PRR11: variants seen among roughly 807,000 people sequenced by gnomAD.
PRR11 encodes the protein proline rich 11, also known as proline-rich protein 11.
Under a neutral mutation model 45.6 loss-of-function variants are expected in PRR11, and 30 were observed. The ratio of observed to expected loss-of-function variants is 0.66; its 90% CI spans 0.49 to 0.89. The LOEUF (loss-of-function observed/expected upper bound fraction) is 0.89. Ranked by LOEUF, PRR11 falls within the 40% of genes least tolerant of loss-of-function variation. PRR11 has a pLI of 0.00. For missense variants in PRR11, 373 were observed against 424.8 expected (o/e 0.88, Z 1.07); for synonymous variants, 128 against 153.5 (o/e 0.83, Z 1.23).
chr17:59,185,249 A>C (rs2046808725), intron 3 of PRR11, 45 bp downstream of exon 3: 1 of 1,602,930 alleles, frequency 6.2e-7, no homozygotes, highest in African/African-American at 1.3e-5. Flanking sequence ...GTTTTTCTAC[A>C]CACTTGGTGT....
At chr17:59,183,151 G>A (rs2046797225) in intron 2 of PRR11, among the ~76,000 whole-genome samples, 1 of 152,150 alleles carries the variant, frequency 6.6e-6, no homozygotes, top group African/African-American at 2.4e-5. Flanking sequence ...CTCTTGTCCT[G>A]GAGATCCTGG....
chr17:59,193,811 T>A, intron 5 of PRR11, 77 bp downstream of exon 5: 1 of 1,496,176 alleles, frequency 6.7e-7, no homozygotes, highest in Middle Eastern at 1.8e-4. Flanking sequence ...CCAAGTGGCC[T>A]TTTAAGGCCA....
intron 1 of PRR11, among the ~76,000 whole-genome samples, chr17:59,168,947 AG>A (rs1568318670): frequency 6.6e-6 from 1 of 152,154 alleles, no homozygotes; most frequent in African/African-American, 2.4e-5. Flanking sequence ...CAGGATAGTA[AG>A]GGTTAACTGA....
intron 2 of PRR11, among the ~76,000 whole-genome samples, chr17:59,170,915 T>G (rs1421574396): frequency 6.6e-6 from 1 of 152,180 alleles, no homozygotes; most frequent in Non-Finnish European, 1.5e-5. Context: ...ACTGCATTGT[T>G]CTCTTGAAAA....
At chr17:59,197,892 G>C in intron 9 of PRR11, 103 bp downstream of exon 9, 1 of 993,204 alleles carries the variant, frequency 1.0e-6, no homozygotes, top group Non-Finnish European at 1.6e-6. Flanking sequence ...GGCTGAGGTG[G>C]GGAGATTGCT....
intron 1 of PRR11, among the ~76,000 whole-genome samples, chr17:59,159,138 T>C (rs966535461): frequency 5.3e-5 from 8 of 152,164 alleles, no homozygotes; most frequent in Non-Finnish European, 1.2e-4. Flanking sequence ...CCTCTTTTTT[T>C]ATAACCCTCT....
rs71367676 is a variant in PRR11 at position 59,176,684 on chromosome 17, C to CTTTTTTT, written c.128+6828_128+6834dup. On this transcript the variant is annotated intron_variant, in intron 2 of 9. Transcript: ENST00000262293. ...TGGCGTTGGAATTTGGTTTTTTTGG[C>CTTTTTTT]TTTTTTTTTTTTTTTTTTTTTTTTT... is the stretch of plus-strand genomic sequence containing the variant. 2.3e-4 allele frequency among the ~76,000 whole-genome samples: 9 copies of CTTTTTTT among 39,004 alleles called. 2 individuals are homozygous for CTTTTTTT. Among genetic ancestry groups the CTTTTTTT allele is most frequent in the African/African-American group, 7.3e-4 (6 of 8,230 alleles). The allele number at this position is 39,004 out of a possible 152,430, so 25.6% of individuals were successfully genotyped here. A position where few individuals can be genotyped will look rare whatever the true frequency, so the allele number is the denominator to read the frequency against.
intron 2 of PRR11, among the ~76,000 whole-genome samples, chr17:59,182,882 C>A (rs2046795827): frequency 6.6e-6 from 1 of 152,170 alleles, no homozygotes; most frequent in African/African-American, 2.4e-5. Flanking sequence ...TCTATCCCAA[C>A]CCACGGAACC....
chr17:59,191,852 G>A (rs1053210058), intron 4 of PRR11, among the ~76,000 whole-genome samples: 4 of 152,098 alleles, frequency 2.6e-5, no homozygotes, highest in Non-Finnish European at 5.9e-5. Context: ...TTCCATCCCT[G>A]CTCCCAGAAT....
At chr17:59,175,622 G>A (rs1800946072) in intron 2 of PRR11, among the ~76,000 whole-genome samples, 1 of 152,160 alleles carries the variant, frequency 6.6e-6, no homozygotes. Flanking sequence ...ACACCTCTTA[G>A]TCCTAGCTAC....
intron 2 of PRR11, among the ~76,000 whole-genome samples, chr17:59,176,250 G>C (rs144542488): frequency 1.3e-5 from 2 of 152,318 alleles, no homozygotes; most frequent in East Asian, 3.9e-4. Flanking sequence ...AGCCAGTTTG[G>C]TTGTAGAGAT....
chr17:59,158,946 G>A (rs933229561), intron 1 of PRR11, among the ~76,000 whole-genome samples: 6 of 152,082 alleles, frequency 3.9e-5, no homozygotes, highest in African/African-American at 1.2e-4. Context: ...TCAGCCTCCC[G>A]CGTAGCTGGG....
At chr17:59,175,678 G>T (rs1317681995) in intron 2 of PRR11, among the ~76,000 whole-genome samples, 7 of 152,130 alleles carry the variant, frequency 4.6e-5, no homozygotes, top group Non-Finnish European at 1.0e-4. Context: ...GGAGGAGGAG[G>T]TTGCAGTGAG....
rs1226504936 is a variant in PRR11, at chr17:59,193,663, C to T, written c.574C>T (p.Pro192Ser). 1 of 1,614,158 alleles carries T rather than the reference C, an allele frequency of 6.2e-7. No homozygotes were observed. The highest frequency in any genetic ancestry group is 1.1e-5 in the South Asian group (1 of 91,084). Residue 192 changes from proline (P) to serine (S), a missense_variant, in exon 5 of 10, where the codon CCT becomes TCT. Coordinates refer to ENST00000262293, the MANE Select transcript of PRR11 (RefSeq NM_018304.4). ...SHFPPPPPPP[P>S]LPPPPPPLAP... ...TTTTCCTCCTCCTCCTCCACCTCCA[C>T]CTCTGCCACCTCCTCCACCACCACT...
rs2046619678 is a variant in PRR11, at chr17:59,155,760, A to G, written c.-51A>G. The G allele has an allele frequency of 6.1e-6, 1 of 162,750 alleles. No homozygotes were observed. The highest frequency in any genetic ancestry group is 1.3e-4 in the South Asian group (1 of 7,424). The allele number at this position is 162,750 out of a possible 1,614,324, so 10.1% of individuals were successfully genotyped here. A position where few individuals can be genotyped will look rare whatever the true frequency, so the allele number is the denominator to read the frequency against. On this transcript the variant is annotated 5_prime_UTR_variant, in exon 1 of 10. Coordinates refer to ENST00000262293, the MANE Select transcript of PRR11 (RefSeq NM_018304.4). ...TTTGAATTTTTCTTTATGGCGTGGGAGAGGCCACAGCCCGGACTCCATCGA... is the reference window on the plus strand; with the variant it reads ...TTTGAATTTTTCTTTATGGCGTGGGGGAGGCCACAGCCCGGACTCCATCGA...
rs191030584 is a variant in PRR11 at position 59,200,055 on chromosome 17, G to A, written c.1015-1508G>A. ...ACAGTGAGTTGAGAACTCTGGAAAT[G>A]GATAAACGATAATAAATTGTAAAGC... On this transcript the variant is annotated intron_variant, in intron 9 of 9. Transcript: ENST00000262293. Among the ~76,000 whole-genome samples the A allele has an allele frequency of 8.5e-4, 129 of 152,182 alleles. 1 individual carries two copies. Among genetic ancestry groups the A allele is most frequent in the African/African-American group, 3.1e-3 (127 of 41,518 alleles).
chr17:59,200,138 C>CA (rs1282784362), intron 9 of PRR11, among the ~76,000 whole-genome samples: 2 of 152,158 alleles, frequency 1.3e-5, no homozygotes, highest in Non-Finnish European at 2.9e-5. Context: ...GTTGTGCTGC[C>CA]AAAATCTACT....
chr17:59,189,420 G>A (rs1398671210), intron 4 of PRR11, among the ~76,000 whole-genome samples: 4 of 151,982 alleles, frequency 2.6e-5, no homozygotes, highest in African/African-American at 7.2e-5. Context: ...TGCAACCTCC[G>A]CCTTCTGGGT....
intron 5 of PRR11, 87 bp downstream of exon 5, chr17:59,193,821 AGGCTAATCAGGG>A: frequency 1.4e-6 from 2 of 1,434,766 alleles, no homozygotes; most frequent in Non-Finnish European, 1.9e-6. Flanking sequence ...TTTTAAGGCC[AGGCTAATCAGGG>A]CTTGGGCCAG....
Sources: allele counts gnomAD v4.1 joint callset (sites outside exome capture counted in the v4.1 genomes callset), GRCh38; gene constraint gnomAD v4.1.1; transcripts MANE v1.5; gene names NCBI Gene and HGNC (gene_info 2026-07-23, HGNC 2026-07-21).